The following RBM15 variants were observed in gnomAD, a reference collection of about 807,000 sequenced individuals.
The protein encoded by RBM15 is RNA binding motif protein 15, also known as RNA-binding protein 15.
RBM15 carries 8 observed loss-of-function variants against 62.6 expected under a neutral mutation model. That is an observed-to-expected ratio of 0.13 (90% CI 0.07 to 0.23). RBM15 has a LOEUF of 0.23. Among genes scored for constraint, RBM15 ranks in the 10% least tolerant of loss-of-function variants. The pLI, the probability that RBM15 is intolerant of heterozygous loss-of-function variation, is 1.00. For synonymous variants in RBM15, 606 were observed against 505.7 expected, an observed-to-expected ratio of 1.20 and a Z score of -2.66; for missense variants, 1,144 against 1,286.5, an observed-to-expected ratio of 0.89 and a Z score of 1.69.
In RBM15 at chr1:110,339,872, C is replaced by T; in HGVS notation, c.467C>T (p.Ala156Val). Residue 156 changes from alanine to valine, a missense_variant, in exon 1 of 3, where the codon GCC (alanine) becomes GTC (valine). Coordinates refer to ENST00000369784, the MANE Select transcript of RBM15 (RefSeq NM_022768.5). ...GGGGESRSSG[A>V]ASSAPGGGDG... ...GGCGGGGAGTCACGTTCCTCTGGGGCCGCCTCCTCAGCTCCCGGCGGCGGG... is the reference window on the plus strand; with the variant it reads ...GGCGGGGAGTCACGTTCCTCTGGGGTCGCCTCCTCAGCTCCCGGCGGCGGG... The T allele has an allele frequency of 1.2e-6, 2 of 1,601,990 alleles. No homozygotes were observed. Among genetic ancestry groups the T allele is most frequent in the South Asian group, 1.1e-5 (1 of 90,544 alleles).
In RBM15 at chr1:110,340,533, C is replaced by T; in HGVS notation, c.1128C>T (p.Leu376=). ...PEDDQRANRT[L]FLGNLDITVT... ...ATGATCAGCGAGCTAACCGGACGCT[C>T]TTCTTGGGCAACCTAGACATCACTG... Residue 376 remains leucine, a synonymous_variant, in exon 1 of 3, where the codon CTC becomes CTT. Coordinates refer to ENST00000369784, the MANE Select transcript of RBM15 (RefSeq NM_022768.5). The surrounding 1 kb of genome is among the most constrained non-coding windows in gnomAD (Gnocchi z 5.8). 6.2e-7 allele frequency: 1 copy of T among 1,614,206 alleles called. No homozygotes were observed. The highest frequency in any genetic ancestry group is 8.5e-7 in the Non-Finnish European group (1 of 1,180,036).
chr1:110,342,553 T>G (rs1289455308), intron 1 of RBM15: 1 of 374,712 alleles, frequency 2.7e-6, no homozygotes, highest in East Asian at 3.9e-5. Flanking sequence ...TGAGTAATTT[T>G]TTTTCTCTAT....
chr1:110,340,059 C>T lies in RBM15; in HGVS notation c.654C>T (p.Ala218=), dbSNP rs540463379. Residue 218 remains alanine, a synonymous_variant, in exon 1 of 3, where the codon GCC becomes GCT. Coordinates refer to ENST00000369784, the MANE Select transcript of RBM15 (RefSeq NM_022768.5). The surrounding 1 kb of genome is among the most constrained non-coding windows in gnomAD (Gnocchi z 5.8). The part of the protein sequence containing the change: ...SGSGSGDERV[A]FVNFRRPEDA... ...CTGGCAGCGGGGATGAGCGGGTAGC[C>T]TTTGTGAACTTCCGGCGGCCAGAGG... 4 of 1,614,034 alleles carry T rather than the reference C, an allele frequency of 2.5e-6. No individual in the cohort carries two copies. The highest frequency in any genetic ancestry group is 1.3e-5 in the African/African-American group (1 of 75,052).
rs367695966 is a variant in RBM15 at position 110,345,557 on chromosome 1, G to A, written c.2882G>A (p.Gly961Glu). 7 of 1,610,902 alleles carry A rather than the reference G, an allele frequency of 4.3e-6. No homozygotes were observed. Among genetic ancestry groups the A allele is most frequent in the Non-Finnish European group, 5.9e-6 (7 of 1,178,358 alleles). The change falls in exon 2 of 3, where the codon GGA becomes GAA. Residue 961 changes from glycine to glutamate, a missense_variant. Gly to Glu is a moderately conservative substitution (Grantham distance 98). This residue lies in a region of RBM15 where 144 missense variants were observed against 223.3 expected (regional missense o/e 0.64). Coordinates refer to ENST00000369784, the MANE Select transcript of RBM15 (RefSeq NM_022768.5). ...IIVRGFGFQIGVRYENKKREN... is the reference protein window; with the variant it reads ...IIVRGFGFQIEVRYENKKREN... ...CTCACAGGGTTTGGTTTTCAGATAG[G>A]AGTTAGGTATGAGAACAAGAAGAGA...
chr1:110,340,021 C>T lies in RBM15; in HGVS notation c.616C>T (p.His206Tyr), dbSNP rs1421889925. Residue 206 changes from histidine to tyrosine, a missense_variant, in exon 1 of 3, where the codon CAT (histidine) becomes TAT (tyrosine). His to Tyr is a moderately conservative substitution (Grantham distance 83). Coordinates refer to ENST00000369784, the MANE Select transcript of RBM15 (RefSeq NM_022768.5). This position sits in a 1 kb window ranked among gnomAD's most constrained non-coding sequence, Gnocchi z 5.8. Reference protein sequence around the residue: ...RFGDVSVKISHLSGSGSGDER... With the variant: ...RFGDVSVKISYLSGSGSGDER... ...CGGTGATGTAAGTGTGAAAATCAGT[C>T]ATCTGTCGGGTTCTGGCAGCGGGGA... 3 of 1,614,126 alleles carry T rather than the reference C, an allele frequency of 1.9e-6. No individual in the cohort carries two copies. The highest frequency in any genetic ancestry group is 1.1e-5 in the South Asian group (1 of 91,074).
Position 110,341,746 on chromosome 1 carries a change from T to C in RBM15, c.2341T>C (p.Ser781Pro), listed in dbSNP as rs763429623. 5 of 1,614,184 alleles carry C rather than the reference T, an allele frequency of 3.1e-6. No individual in the cohort carries two copies. In the East Asian group the frequency reaches 1.1e-4, roughly 36 times the overall value. ...GGGGACAGCCCCTGTGGCATCAGCCTCTCCCAAACTCTGTTTGGCCTGGCA... is the reference window on the plus strand; with the variant it reads ...GGGGACAGCCCCTGTGGCATCAGCCCCTCCCAAACTCTGTTTGGCCTGGCA... ...DGGTAPVASA[S>P]PKLCLAWQGM... The change falls in exon 1 of 3, where the codon TCT (serine) becomes CCT (proline). Residue 781 changes from serine to proline, a missense_variant. Coordinates refer to ENST00000369784, the MANE Select transcript of RBM15 (RefSeq NM_022768.5). This position sits in a 1 kb window ranked among gnomAD's most constrained non-coding sequence, Gnocchi z 4.5.
At position 110,342,306 on chromosome 1, in the gene RBM15, C is replaced by CT. The variant is rs747663988; in HGVS notation, c.2863+41dup. ...GTCCATGTGTAACTTGTATTTACTA[C>CT]TTTGACATGGTTCCTGTTTTGTGAT... On this transcript the variant is annotated intron_variant, in intron 1 of 2. Transcript: ENST00000369784. 30 of 1,487,006 alleles carry CT rather than the reference C, an allele frequency of 2.0e-5. 1 individual carries two copies. In the South Asian group the frequency reaches 3.8e-4, roughly 19 times the overall value. The allele number at this position is 1,487,006 out of a possible 1,614,324, so 92.1% of individuals were successfully genotyped here. A position where few individuals can be genotyped will look rare whatever the true frequency, so the allele number is the denominator to read the frequency against.
Position 110,339,817 on chromosome 1 carries a change from G to A in RBM15, c.412G>A (p.Gly138Ser). ...SPSTKNSSGG[G>S]ESRSSSRGGG... ...GAGCACCAAAAATTCTTCGGGCGGGGGCGAATCGCGCAGCAGCTCCCGGGG... is the reference window on the plus strand; with the variant it reads ...GAGCACCAAAAATTCTTCGGGCGGGAGCGAATCGCGCAGCAGCTCCCGGGG... The change falls in exon 1 of 3, where the codon GGC becomes AGC. Residue 138 changes from glycine (G) to serine (S), a missense_variant. By Grantham distance (56) the Gly-to-Ser change is moderately conservative (BLOSUM62 0). Transcript: ENST00000369784. 1 of 1,600,760 alleles carries A rather than the reference G, an allele frequency of 6.2e-7. No homozygotes were observed. The highest frequency in any genetic ancestry group is 8.5e-7 in the Non-Finnish European group (1 of 1,169,964).
Position 110,341,199 on chromosome 1 carries a change from T to G in RBM15, c.1794T>G (p.Thr598=). The G allele has an allele frequency of 1.2e-6, 2 of 1,614,112 alleles. No individual in the cohort carries two copies. The highest frequency in any genetic ancestry group is 1.3e-5 in the African/African-American group (1 of 75,050). The change falls in exon 1 of 3, where the codon ACT becomes ACG. Residue 598 remains threonine, a synonymous_variant. Coordinates refer to ENST00000369784, the MANE Select transcript of RBM15 (RefSeq NM_022768.5). This position sits in a 1 kb window ranked among gnomAD's most constrained non-coding sequence, Gnocchi z 4.5. ...CACCCCCAGTCCGAGAACGCAGCAC[T>G]CGGACTGCAGCTACTTCTGTGCCTG... ...PPPPPVRERS[T]RTAATSVPAY...
Position 110,339,686 on chromosome 1 carries a change from C to G in RBM15, c.281C>G (p.Ser94Trp), listed in dbSNP as rs186544159. The G allele has an allele frequency of 1.2e-6, 2 of 1,612,948 alleles. No individual in the cohort carries two copies. Among genetic ancestry groups the G allele is most frequent in the Non-Finnish European group, 1.7e-6 (2 of 1,179,904 alleles). ...SSGKTDSGGGSRRSLHLDKSS... is the reference protein window; with the variant it reads ...SSGKTDSGGGWRRSLHLDKSS... ...GGAAAGACCGATAGCGGCGGTGGGT[C>G]GCGGCGGAGTCTCCACCTGGACAAG... Residue 94 changes from serine to tryptophan, a missense_variant, in exon 1 of 3, where the codon TCG becomes TGG. Coordinates refer to ENST00000369784, the MANE Select transcript of RBM15 (RefSeq NM_022768.5).
At chr1:110,344,819 T>C (rs1377901901) in intron 1 of RBM15, among the ~76,000 whole-genome samples, 2 of 152,168 alleles carry the variant, frequency 1.3e-5, no homozygotes, top group African/African-American at 4.8e-5. Flanking sequence ...CTTTCTTCTT[T>C]AATTATTTTA....
In RBM15 at chr1:110,339,971, G is replaced by A; in HGVS notation, c.566G>A (p.Gly189Asp). Residue 189 changes from glycine (G) to aspartate (D), a missense_variant, in exon 1 of 3, where the codon GGC (glycine) becomes GAC (aspartate). Gly to Asp is a moderately conservative substitution (Grantham distance 94). Coordinates refer to ENST00000369784, the MANE Select transcript of RBM15 (RefSeq NM_022768.5). ...CTTAGTGACGAAGCGGTGGAGGACG[G>A]CCTGTTTCATGAGTTCAAACGCTTC... The part of the protein sequence containing the change: ...SQLSDEAVED[G>D]LFHEFKRFGD... 6.2e-7 allele frequency: 1 copy of A among 1,614,082 alleles called. No homozygotes were observed. Among genetic ancestry groups the A allele is most frequent in the Non-Finnish European group, 8.5e-7 (1 of 1,180,000 alleles).
Position 110,346,443 on chromosome 1 carries a change from T to G in RBM15, c.*176T>G. 7.9e-7 allele frequency: 1 copy of G among 1,272,094 alleles called. No homozygotes were observed. The highest frequency in any genetic ancestry group is 1.1e-6 in the Non-Finnish European group (1 of 896,366). The allele number at this position is 1,272,094 out of a possible 1,614,324, so 78.8% of individuals were successfully genotyped here. A position where few individuals can be genotyped will look rare whatever the true frequency, so the allele number is the denominator to read the frequency against. ...GCTAATCTGTTTAGTATTTGTGCAT[T>G]TTACTAAAATGGCAGCTTAAAGTTG... On this transcript the variant is annotated 3_prime_UTR_variant, in exon 3 of 3. Coordinates refer to ENST00000369784, the MANE Select transcript of RBM15 (RefSeq NM_022768.5).
At chr1:110,343,404 C>T (rs1186384087) in intron 1 of RBM15, among the ~76,000 whole-genome samples, 2 of 152,064 alleles carry the variant, frequency 1.3e-5, no homozygotes, top group South Asian at 2.1e-4. Flanking sequence ...GTTCAATATT[C>T]TCACTGCTGT....
rs1243425203 is a variant in RBM15, at chr1:110,342,343, TAC to T, written c.2863+77_2863+78del. 1.7e-5 allele frequency: 20 copies of T among 1,186,948 alleles called. No homozygotes were observed. In the East Asian group the frequency reaches 4.9e-4, roughly 29 times the overall value. The allele number at this position is 1,186,948 out of a possible 1,614,324, so 73.5% of individuals were successfully genotyped here. On this transcript the variant is annotated intron_variant, in intron 1 of 2. Coordinates refer to ENST00000369784, the MANE Select transcript of RBM15 (RefSeq NM_022768.5). The stretch of plus-strand genomic sequence containing the variant: ...TCCTGTTTTGTGATGTGTAATGGGA[TAC>T]AGCATCAGATGCAATTTTCTTTTTA...
In RBM15 at chr1:110,342,101, A is replaced by G. The variant is rs751119834; in HGVS notation, c.2696A>G (p.Gln899Arg). ...RNLVSYLKQKQAAGVISLPVG... is the reference protein window; with the variant it reads ...RNLVSYLKQKRAAGVISLPVG... ...CTTGTGTCCTATTTAAAGCAAAAGC[A>G]GGCAGCCGGGGTGATCAGCCTCCCT... The change falls in exon 1 of 3, where the codon CAG becomes CGG. Residue 899 changes from glutamine to arginine, a missense_variant. Transcript: ENST00000369784. 1.9e-6 allele frequency: 3 copies of G among 1,614,140 alleles called. No individual in the cohort carries two copies. Among genetic ancestry groups the G allele is most frequent in the Non-Finnish European group, 2.5e-6 (3 of 1,179,958 alleles).
At position 110,339,900 on chromosome 1, in the gene RBM15, C is replaced by G. The variant is rs528144769; in HGVS notation, c.495C>G (p.Asp165Glu). ...CCTCCTCAGCTCCCGGCGGCGGGGA[C>G]GGCGCGGAATACAAGACTCTGAAGA... ...GAASSAPGGG[D>E]GAEYKTLKIS... Residue 165 changes from aspartate (D) to glutamate (E), a missense_variant, in exon 1 of 3, where the codon GAC becomes GAG. Around this residue, in one of 8 missense-constraint regions of RBM15, gnomAD observed 298 missense variants for 250.0 expected, o/e 1.19. Transcript: ENST00000369784. 3.1e-6 allele frequency: 5 copies of G among 1,605,172 alleles called. No individual in the cohort carries two copies. The highest frequency in any genetic ancestry group is 4.3e-6 in the Non-Finnish European group (5 of 1,172,790).
chr1:110,345,704 CAG>C, intron 2 of RBM15, 55 bp downstream of exon 2: 5 of 1,091,138 alleles, frequency 4.6e-6, no homozygotes, highest in Non-Finnish European at 6.6e-6. Flanking sequence ...ATGGTTTAAA[CAG>C]AGTTGAAAAG....
At chr1:110,344,831 T>G (rs1452856349) in intron 1 of RBM15, among the ~76,000 whole-genome samples, 1 of 152,210 alleles carries the variant, frequency 6.6e-6, no homozygotes, top group African/African-American at 2.4e-5. Context: ...ATTATTTTAA[T>G]GTAGTTGATT....
Sources: allele counts gnomAD v4.1 joint callset (sites outside exome capture counted in the v4.1 genomes callset), GRCh38; gene constraint gnomAD v4.1.1; regional missense constraint gnomAD v4.1.1; non-coding constraint Gnocchi (gnomAD v3.1); transcripts MANE v1.5; gene names NCBI Gene and HGNC (gene_info 2026-07-23, HGNC 2026-07-21).